Variants in PLEKHH2 observed in about 807,000 individuals in gnomAD.
The protein encoded by PLEKHH2 is pleckstrin homology domain-containing family H member 2.
PLEKHH2 carries 129 observed loss-of-function variants against 187.9 expected under a neutral mutation model. The ratio of observed to expected loss-of-function variants is 0.69; its 90% CI spans 0.59 to 0.79. The LOEUF is 0.79. Among genes scored for constraint, PLEKHH2 ranks in the 30% least tolerant of loss-of-function variants. The pLI is 0.00. For synonymous variants in PLEKHH2, 686 were observed against 605.6 expected, an observed-to-expected ratio of 1.13 and a Z score of -1.95; for missense variants, 2,076 against 1,751.2, an observed-to-expected ratio of 1.19 and a Z score of -3.31.
intron 25 of PLEKHH2, 87 bp from the exon 26 acceptor site, chr2:43,757,027 TAAAAA>T (rs1672237581): frequency 1.0e-6 from 1 of 1,003,626 alleles, no homozygotes; most frequent in Non-Finnish European, 1.4e-6. Flanking sequence ...TATTATGTGT[TAAAAA>T]AGAATGTTTA....
At chr2:43,707,196 C>CAAAAA (rs60819579) in intron 10 of PLEKHH2, among the ~76,000 whole-genome samples, 16,025 of 87,062 alleles carry the variant, frequency 0.18, 1,693 homozygotes, top group Non-Finnish European at 0.24. Context: ...GACTCCACCT[C>CAAAAA]AAAAAAAAAA....
chr2:43,688,750 T>A (rs1179510663), intron 3 of PLEKHH2, among the ~76,000 whole-genome samples: 1 of 152,178 alleles, frequency 6.6e-6, no homozygotes, highest in Non-Finnish European at 1.5e-5. Context: ...TAGAGTGGTG[T>A]CCAGGAGAAA....
rs553057513 is a variant in PLEKHH2, at chr2:43,713,953, C to T, written c.2460+1570C>T. Among the ~76,000 whole-genome samples the T allele has an allele frequency of 2.0e-5, 3 of 152,206 alleles. No individual in the cohort carries two copies. In the South Asian group the frequency reaches 6.2e-4, roughly 32 times the overall value. ...AAACTTAATTCACTATTGCATTAAACAAAGAAATATACTATGTACTATGTT... is the reference window on the plus strand; with the variant it reads ...AAACTTAATTCACTATTGCATTAAATAAAGAAATATACTATGTACTATGTT... On this transcript the variant is annotated intron_variant, in intron 15 of 29. Coordinates refer to ENST00000282406, the MANE Select transcript of PLEKHH2 (RefSeq NM_172069.4).
At chr2:43,686,235 C>T (rs1387831463) in intron 3 of PLEKHH2, among the ~76,000 whole-genome samples, 8 of 151,966 alleles carry the variant, frequency 5.3e-5, no homozygotes, top group Middle Eastern at 3.4e-3. Flanking sequence ...CTTGCTCTGT[C>T]GCCCAGGCTG....
At chr2:43,757,491 C>T (rs971664451) in intron 26 of PLEKHH2, among the ~76,000 whole-genome samples, 3 of 150,508 alleles carry the variant, frequency 2.0e-5, no homozygotes, top group Admixed American at 6.6e-5. Context: ...CCAATCTCGG[C>T]TCACTGCAAG....
intron 3 of PLEKHH2, among the ~76,000 whole-genome samples, chr2:43,687,007 T>C (rs1320372596): frequency 6.6e-6 from 1 of 152,080 alleles, no homozygotes; most frequent in Non-Finnish European, 1.5e-5. Flanking sequence ...ATTTTAACTG[T>C]TATTTTAGAC....
At chr2:43,676,276 C>A (rs1347535446) in intron 2 of PLEKHH2, 1 of 1,613,282 alleles carries the variant, frequency 6.2e-7, no homozygotes, top group African/African-American at 1.3e-5. Context: ...GGAAATGCTC[C>A]CAAGCAACAT....
chr2:43,678,333 C>T (rs1458616258), intron 2 of PLEKHH2, among the ~76,000 whole-genome samples: 6 of 152,176 alleles, frequency 3.9e-5, no homozygotes, highest in Admixed American at 6.5e-5. Context: ...GCTGCAATCT[C>T]GGCACTTTGG....
At chr2:43,754,209 A>AAC (rs1672122841) in intron 25 of PLEKHH2, among the ~76,000 whole-genome samples, 6 of 143,090 alleles carry the variant, frequency 4.2e-5, no homozygotes, top group Non-Finnish European at 1.5e-5. Context: ...CACACACAAA[A>AAC]TTAATACTGA....
rs78936259 is a variant in PLEKHH2, at chr2:43,749,997, A to G, written c.3654-3622A>G. 5.0e-4 allele frequency among the ~76,000 whole-genome samples: 76 copies of G among 152,334 alleles called. No individual in the cohort carries two copies. The East Asian group carries it at 9.6e-3, about 19-fold the overall frequency. Reference sequence around the variant, plus strand: ...ACAACCGTTGGCAACTAACATTTAAATTCTATTCATAGTTAAGCTTCTTAT... The same window carrying G: ...ACAACCGTTGGCAACTAACATTTAAGTTCTATTCATAGTTAAGCTTCTTAT... On this transcript the variant is annotated intron_variant, in intron 24 of 29. Transcript: ENST00000282406.
chr2:43,644,727 A>G lies in PLEKHH2; in HGVS notation c.54A>G (p.Val18=). ...EGPVDWKERC[V]ALESQLMKFR... ...CAGTAGATTGGAAGGAACGATGTGTAGCTCTGGAGTCCCAACTCATGAAAT... is the reference window on the plus strand; with the variant it reads ...CAGTAGATTGGAAGGAACGATGTGTGGCTCTGGAGTCCCAACTCATGAAAT... The change falls in exon 2 of 30, where the codon GTA becomes GTG. Residue 18 remains valine (V), a synonymous_variant. Transcript: ENST00000282406. 3.1e-6 allele frequency: 5 copies of G among 1,609,328 alleles called. No homozygotes were observed. The highest frequency in any genetic ancestry group is 4.2e-6 in the Non-Finnish European group (5 of 1,176,522).
chr2:43,734,484 C>G (rs977355440), intron 19 of PLEKHH2, among the ~76,000 whole-genome samples: 3 of 152,108 alleles, frequency 2.0e-5, no homozygotes, highest in Non-Finnish European at 4.4e-5. Context: ...AAATGGCCAA[C>G]AAGTATATGA....
intron 2 of PLEKHH2, among the ~76,000 whole-genome samples, chr2:43,645,187 A>C (rs532929109): frequency 1.3e-5 from 2 of 152,160 alleles, no homozygotes; most frequent in Non-Finnish European, 2.9e-5. Flanking sequence ...TATTTGAAAG[A>C]TGTATCTACT....
chr2:43,707,379 A>G (rs547195731), intron 10 of PLEKHH2, 22 bp from the exon 11 acceptor site: 1 of 1,613,528 alleles, frequency 6.2e-7, no homozygotes, highest in African/African-American at 1.3e-5. Flanking sequence ...GGATACAGGG[A>G]GGTTGTTCCA....
intron 2 of PLEKHH2, chr2:43,658,961 T>G (rs901651792): frequency 9.3e-4 from 135 of 145,176 alleles, no homozygotes; most frequent in African/African-American, 3.4e-3. Context: ...TTTTTAAGAC[T>G]TTTTTTTCTT....
At chr2:43,722,787 G>T (rs1182109982) in intron 16 of PLEKHH2, among the ~76,000 whole-genome samples, 1 of 152,096 alleles carries the variant, frequency 6.6e-6, no homozygotes, top group Non-Finnish European at 1.5e-5. Flanking sequence ...ATAAGCATGT[G>T]TTTTTATAAA....
At chr2:43,690,291 T>C (rs1389770182) in intron 3 of PLEKHH2, among the ~76,000 whole-genome samples, 1 of 152,242 alleles carries the variant, frequency 6.6e-6, no homozygotes, top group Non-Finnish European at 1.5e-5. Context: ...TCTTAGAATC[T>C]AAGGTAACTT....
Position 43,697,053 on chromosome 2 carries a change from T to G in PLEKHH2, c.503-118T>G, listed in dbSNP as rs1426472177. 8 of 749,234 alleles carry G rather than the reference T, an allele frequency of 1.1e-5. No homozygotes were observed. In the East Asian group the frequency reaches 2.3e-4, roughly 21 times the overall value. The allele number at this position is 749,234 out of a possible 1,614,324, so 46.4% of individuals were successfully genotyped here. A position where few individuals can be genotyped will look rare whatever the true frequency, so the allele number is the denominator to read the frequency against. ...TTATTGTACATCAATAAAGATGAAC[T>G]TTAGGCTTTTTTTCTGGCATAAAGA... is the stretch of plus-strand genomic sequence containing the variant. On this transcript the variant is annotated intron_variant, in intron 6 of 29. Transcript: ENST00000282406.
intron 2 of PLEKHH2, among the ~76,000 whole-genome samples, chr2:43,670,992 T>TA (rs1250928364): frequency 6.6e-6 from 1 of 151,878 alleles, no homozygotes; most frequent in East Asian, 1.9e-4. Context: ...TTTTTAACTT[T>TA]TTTTTTTTTG....
Sources: gnomAD v4.1 joint callset for allele counts (sites outside exome capture counted in the v4.1 genomes callset) on GRCh38, gnomAD v4.1.1 for gene constraint, MANE v1.5 for transcripts, NCBI Gene and HGNC (gene_info 2026-07-23, HGNC 2026-07-21) for gene names.